RNF169: variants seen among roughly 807,000 people sequenced by gnomAD.
RNF169 encodes the protein ring finger protein 169.
RNF169 carries 24 observed loss-of-function variants against 53.9 expected under a neutral mutation model. The observed-to-expected ratio is 0.45, with a 90% confidence interval of 0.32 to 0.63. RNF169 has a LOEUF of 0.63. Ranked by LOEUF, RNF169 falls within the 20% of genes least tolerant of loss-of-function variation. The pLI, the probability that RNF169 is intolerant of heterozygous loss-of-function variation, is 0.04. For missense variants in RNF169, 883 were observed against 906.2 expected, an observed-to-expected ratio of 0.97 and a Z score of 0.33; for synonymous variants, 396 against 363.5, an observed-to-expected ratio of 1.09 and a Z score of -1.02.
At chr11:74,808,115 C>T (rs1413535116) in intron 2 of RNF169, 2 of 152,038 alleles carry the variant, frequency 1.3e-5, no homozygotes, top group Non-Finnish European at 2.9e-5. Flanking sequence ...CCTGTGATAA[C>T]AGCACTTTGG....
chr11:74,810,007 G>T (rs1360849632), intron 2 of RNF169, among the ~76,000 whole-genome samples, 177 bp from the exon 3 acceptor site: 1 of 152,182 alleles, frequency 6.6e-6, no homozygotes, highest in African/African-American at 2.4e-5. Flanking sequence ...GAGTATGTTT[G>T]GCAAGAGCCA....
intron 4 of RNF169, among the ~76,000 whole-genome samples, chr11:74,834,275 ATTTGTGCTTGATGTAGATTGAAGAGAGG>A (rs1204746140): frequency 6.6e-6 from 1 of 152,214 alleles, no homozygotes; most frequent in African/African-American, 2.4e-5. Flanking sequence ...GTACTTCAAT[ATTTGTGCTTGATGTAGATTGAAGAGAGG>A]TTTGGGTCTA....
chr11:74,835,347 A>G (rs763009617), intron 5 of RNF169, among the ~76,000 whole-genome samples, 199 bp from the exon 6 acceptor site: 2 of 152,068 alleles, frequency 1.3e-5, no homozygotes, highest in African/African-American at 4.8e-5. Context: ...AGTTTTATGA[A>G]TTGTTTGAAG....
chr11:74,776,687 G>A (rs987816845), intron 1 of RNF169, among the ~76,000 whole-genome samples: 41 of 152,186 alleles, frequency 2.7e-4, no homozygotes, highest in Admixed American at 2.4e-3. Context: ...CCTACAGGAA[G>A]CTAATGTAAT....
Position 74,835,569 on chromosome 11 carries a change from C to CA in RNF169, c.968dup (p.Asn323LysfsTer20), listed in dbSNP as rs1384349137. 6.2e-7 allele frequency: 1 copy of CA among 1,614,052 alleles called. No homozygotes were observed. The highest frequency in any genetic ancestry group is 1.1e-5 in the South Asian group (1 of 91,072). On this transcript the variant is annotated frameshift_variant, in exon 6 of 6. Transcript: ENST00000299563. LOFTEE classifies it high-confidence loss of function. ...AGGTCACAACTATGACTCCAGCCTC[C>CA]AACCCCATCATTGGTGTCCTCTTGT...
At chr11:74,813,645 C>T (rs2035903511) in intron 3 of RNF169, among the ~76,000 whole-genome samples, 2 of 152,194 alleles carry the variant, frequency 1.3e-5, no homozygotes, top group Non-Finnish European at 2.9e-5. Flanking sequence ...TATAAATACA[C>T]ACCATATATT....
chr11:74,762,206 T>C (rs2035095934), intron 1 of RNF169, among the ~76,000 whole-genome samples: 1 of 150,162 alleles, frequency 6.7e-6, no homozygotes, highest in African/African-American at 2.5e-5. Flanking sequence ...TACATTCTTC[T>C]AAATTTTTTT....
At chr11:74,793,222 A>G (rs1195962334) in intron 2 of RNF169, among the ~76,000 whole-genome samples, 1 of 152,218 alleles carries the variant, frequency 6.6e-6, no homozygotes, top group East Asian at 1.9e-4. Context: ...GGGATAGGGT[A>G]TGGGAACAGG....
At chr11:74,763,074 G>A (rs1402745171) in intron 1 of RNF169, among the ~76,000 whole-genome samples, 2 of 152,174 alleles carry the variant, frequency 1.3e-5, no homozygotes, top group African/African-American at 4.8e-5. Context: ...ATCTTGTCTT[G>A]ATTTGCTTGA....
chr11:74,817,469 G>C (rs1475073010), intron 3 of RNF169, 127 bp from the exon 4 acceptor site: 1 of 660,098 alleles, frequency 1.5e-6, no homozygotes, highest in African/African-American at 1.8e-5. Context: ...ATCTCCAGGA[G>C]GCAGTTGGAA....
At position 74,798,847 on chromosome 11, in the gene RNF169, C is replaced by T. The variant is rs541126565; in HGVS notation, c.576+9148C>T. ...AATGGAAAAGAACCTACATGAATAT[C>T]GGGACAGATTCCCTGATAGTAGTGA... On this transcript the variant is annotated intron_variant, in intron 2 of 5. Coordinates refer to ENST00000299563, the MANE Select transcript of RNF169 (RefSeq NM_001098638.2). Among the ~76,000 whole-genome samples, 8 of 152,112 alleles carry T rather than the reference C, an allele frequency of 5.3e-5. No homozygotes were observed. In the East Asian group the frequency reaches 7.7e-4, roughly 15 times the overall value.
chr11:74,775,353 CT>C (rs913056359), intron 1 of RNF169, among the ~76,000 whole-genome samples: 4 of 151,618 alleles, frequency 2.6e-5, no homozygotes, highest in African/African-American at 9.7e-5. Flanking sequence ...TTTTCTTTTT[CT>C]TTTTTTTGTT....
chr11:74,777,064 A>G (rs1484118967), intron 1 of RNF169, among the ~76,000 whole-genome samples: 2 of 152,212 alleles, frequency 1.3e-5, no homozygotes, highest in Non-Finnish European at 2.9e-5. Context: ...AGTCTAAGAG[A>G]CAGGGAGGCC....
intron 2 of RNF169, among the ~76,000 whole-genome samples, chr11:74,792,108 GT>G (rs2035587980): frequency 1.3e-5 from 2 of 152,354 alleles, no homozygotes; most frequent in South Asian, 4.1e-4. Context: ...GGTGTCAGAT[GT>G]TGACCTGAAT....
chr11:74,802,047 C>T (rs370062887), intron 2 of RNF169, among the ~76,000 whole-genome samples: 18 of 152,092 alleles, frequency 1.2e-4, no homozygotes, highest in Admixed American at 2.6e-4. Context: ...AATTAAACAC[C>T]GTGAGACTGT....
chr11:74,750,208 C>G (rs3132738), intron 1 of RNF169, among the ~76,000 whole-genome samples: 52,181 of 152,066 alleles, frequency 0.34, 10,993 homozygotes, highest in African/African-American at 0.6. Context: ...CTTTGAAATG[C>G]AAAGTGCCCT....
rs1160284250 is a variant in RNF169, at chr11:74,841,960, G to A, written c.*5230G>A. ...AGAGCACTTAAAAGTCCTAGTGAGA[G>A]AATAGATACTATGCAAGGGAAAAAA... On this transcript the variant is annotated 3_prime_UTR_variant, in exon 6 of 6. Transcript: ENST00000299563. The A allele has an allele frequency of 6.6e-6, 1 of 151,828 alleles. No individual in the cohort carries two copies. The highest frequency in any genetic ancestry group is 1.5e-5 in the Non-Finnish European group (1 of 67,992). The allele number at this position is 151,828 out of a possible 1,614,324, so 9.4% of individuals were successfully genotyped here.
At chr11:74,762,521 C>G (rs997462696) in intron 1 of RNF169, among the ~76,000 whole-genome samples, 1 of 152,200 alleles carries the variant, frequency 6.6e-6, no homozygotes. Flanking sequence ...TTCCTTCTAA[C>G]AGACAGGACC....
chr11:74,833,400 T>C (rs567609612), intron 4 of RNF169, among the ~76,000 whole-genome samples: 1 of 152,366 alleles, frequency 6.6e-6, no homozygotes, highest in African/African-American at 2.4e-5. Flanking sequence ...TGAGATCATC[T>C]GCATAACTAT....
Sources: allele counts gnomAD v4.1 joint callset (sites outside exome capture counted in the v4.1 genomes callset), GRCh38; gene constraint gnomAD v4.1.1; transcripts MANE v1.5; gene names NCBI Gene and HGNC (gene_info 2026-07-23, HGNC 2026-07-21).